GALNT18: variants seen among roughly 807,000 people sequenced by gnomAD.
GALNT18 encodes GalNAc-transferase 18.
In GALNT18, 44 loss-of-function variants were observed where a neutral mutation model predicts 69.5. That is an observed-to-expected ratio of 0.63 (90% confidence interval 0.50 to 0.81). The LOEUF is 0.81. Among genes scored for constraint, GALNT18 ranks in the 40% least tolerant of loss-of-function variants. The probability of loss-of-function intolerance (pLI) is 0.00; values close to 1 mark genes in which losing one functional copy is unlikely to be tolerated. For missense variants in GALNT18, 715 were observed against 810.0 expected (o/e 0.88, Z 1.42); for synonymous variants, 364 against 318.2 (o/e 1.14, Z -1.53).
chr11:11,471,262 G>C (rs1353973942), intron 1 of GALNT18, among the ~76,000 whole-genome samples: 1 of 152,056 alleles, frequency 6.6e-6, no homozygotes, highest in Non-Finnish European at 1.5e-5. Context: ...ACATGGCGTC[G>C]GGCTCAGCAC....
At chr11:11,441,654 T>G (rs939412871) in intron 2 of GALNT18, among the ~76,000 whole-genome samples, 3 of 152,196 alleles carry the variant, frequency 2.0e-5, no homozygotes, top group African/African-American at 7.2e-5. Context: ...AAAGTGTATG[T>G]TAAGCATTTG....
chr11:11,360,048 T>C (rs943662093), intron 6 of GALNT18, among the ~76,000 whole-genome samples: 4 of 152,182 alleles, frequency 2.6e-5, no homozygotes, highest in African/African-American at 9.7e-5. Flanking sequence ...GAAGACCACC[T>C]AGATAAACAT....
chr11:11,499,036 G>C (rs921000955), intron 1 of GALNT18, among the ~76,000 whole-genome samples: 1 of 152,156 alleles, frequency 6.6e-6, no homozygotes, highest in African/African-American at 2.4e-5. Flanking sequence ...GATACAAACT[G>C]CTGACAGTTA....
rs1484489234 is a variant in GALNT18, at chr11:11,618,452, A to G, written c.235+2907T>C. ...TCTGCCTCTTGGCATGAAACAAAGC[A>G]AAACCTGAGTTTATCTATGGAGTTT... is the stretch of plus-strand genomic sequence containing the variant. On this transcript the variant is annotated intron_variant, in intron 1 of 10. Transcript: ENST00000227756. This position sits in a 1 kb window ranked among gnomAD's most constrained non-coding sequence, Gnocchi z 6.1. 6.6e-6 allele frequency among the ~76,000 whole-genome samples: 1 copy of G among 152,226 alleles called. No homozygotes were observed. Among genetic ancestry groups the G allele is most frequent in the Non-Finnish European group, 1.5e-5 (1 of 68,040 alleles).
rs922072946 is a variant in GALNT18 at position 11,523,879 on chromosome 11, G to T, written c.236-74943C>A. Among the ~76,000 whole-genome samples the T allele has an allele frequency of 1.3e-5, 2 of 152,046 alleles. No homozygotes were observed. The highest frequency in any genetic ancestry group is 4.8e-5 in the African/African-American group (2 of 41,398). The stretch of plus-strand genomic sequence containing the variant: ...ATTGCCAAGAGAGGTAGCGAACCAG[G>T]CTCTCAGGTCACCAAGAACATCACC... On this transcript the variant is annotated intron_variant, in intron 1 of 10. Coordinates refer to ENST00000227756, the MANE Select transcript of GALNT18 (RefSeq NM_198516.3). This position sits in a 1 kb window ranked among gnomAD's most constrained non-coding sequence, Gnocchi z 4.3.
chr11:11,620,655 A>G lies in GALNT18; in HGVS notation c.235+704T>C, dbSNP rs528817091. 6.6e-6 allele frequency among the ~76,000 whole-genome samples: 1 copy of G among 152,204 alleles called. No homozygotes were observed. Among genetic ancestry groups the G allele is most frequent in the African/African-American group, 2.4e-5 (1 of 41,536 alleles). On this transcript the variant is annotated intron_variant, in intron 1 of 10. Coordinates refer to ENST00000227756, the MANE Select transcript of GALNT18 (RefSeq NM_198516.3). The surrounding 1 kb of genome is among the most constrained non-coding windows in gnomAD (Gnocchi z 6.9). ...TCTTCCAGTCTTGGGCGGAGTCATC[A>G]CCACAGTGGACAGAGACTCCAGCGC...
At chr11:11,357,645 C>T (rs1383953150) in intron 6 of GALNT18, among the ~76,000 whole-genome samples, 4 of 152,162 alleles carry the variant, frequency 2.6e-5, no homozygotes, top group Non-Finnish European at 5.9e-5. Flanking sequence ...CCAGGCTCCT[C>T]CACTTTTTCT....
At chr11:11,554,004 T>G (rs890087804) in intron 1 of GALNT18, among the ~76,000 whole-genome samples, 2 of 152,196 alleles carry the variant, frequency 1.3e-5, no homozygotes, top group Non-Finnish European at 2.9e-5. Context: ...TCTGCACTGC[T>G]GGCCCACCGC....
At chr11:11,408,432 T>G (rs552839684) in intron 3 of GALNT18, among the ~76,000 whole-genome samples, 1 of 145,734 alleles carries the variant, frequency 6.9e-6, no homozygotes, top group Non-Finnish European at 1.5e-5. Flanking sequence ...TTCCTCTCAA[T>G]GAACAGATCA....
intron 3 of GALNT18, among the ~76,000 whole-genome samples, chr11:11,399,133 T>G (rs1308799540): frequency 6.6e-6 from 1 of 152,212 alleles, no homozygotes; most frequent in African/African-American, 2.4e-5. Flanking sequence ...ATGGGATTAG[T>G]GCCCTTATAA....
Position 11,465,496 on chromosome 11 carries a change from A to G in GALNT18, c.236-16560T>C, listed in dbSNP as rs1298100946. On this transcript the variant is annotated intron_variant, in intron 1 of 10. Coordinates refer to ENST00000227756, the MANE Select transcript of GALNT18 (RefSeq NM_198516.3). The surrounding 1 kb of genome is among the most constrained non-coding windows in gnomAD (Gnocchi z 5.7). The stretch of plus-strand genomic sequence containing the variant: ...GGGGCTCGTGATCCGTATCCATGGC[A>G]GCTCAGTAGCCACAGAAGCCAAAGC... Among the ~76,000 whole-genome samples the G allele has an allele frequency of 6.6e-6, 1 of 152,116 alleles. No individual in the cohort carries two copies. The highest frequency in any genetic ancestry group is 1.5e-5 in the Non-Finnish European group (1 of 68,012).
Position 11,289,369 on chromosome 11 carries a change from G to A in GALNT18, c.1677+3660C>T, listed in dbSNP as rs183031471. Among the ~76,000 whole-genome samples, 47 of 152,296 alleles carry A rather than the reference G, an allele frequency of 3.1e-4. No homozygotes were observed. In the East Asian group the frequency reaches 8.9e-3, roughly 29 times the overall value. ...ATATATGGTTGCCAAAGCACTCCGGGGAGTTTTAAGTAGACATATGCCAAA... is the reference window on the plus strand; with the variant it reads ...ATATATGGTTGCCAAAGCACTCCGGAGAGTTTTAAGTAGACATATGCCAAA... On this transcript the variant is annotated intron_variant, in intron 10 of 10. Transcript: ENST00000227756.
intron 2 of GALNT18, among the ~76,000 whole-genome samples, chr11:11,441,242 C>A (rs934876460): frequency 6.6e-6 from 1 of 152,200 alleles, no homozygotes; most frequent in Admixed American, 6.5e-5. Context: ...TAACCAGAAC[C>A]AGAGGTATTT....
rs374190083 is a variant in GALNT18 at position 11,541,249 on chromosome 11, T to A, written c.235+80110A>T. Among the ~76,000 whole-genome samples, 9 of 152,160 alleles carry A rather than the reference T, an allele frequency of 5.9e-5. No homozygotes were observed. In the South Asian group the frequency reaches 1.9e-3, roughly 32 times the overall value. On this transcript the variant is annotated intron_variant, in intron 1 of 10. Transcript: ENST00000227756. This position sits in a 1 kb window ranked among gnomAD's most constrained non-coding sequence, Gnocchi z 4.8. Reference sequence around the variant, plus strand: ...GCCATGCAAATAATCGCCTGTGTTTTTGTGAACACTTTAGACCCAAAATCA... The same window carrying A: ...GCCATGCAAATAATCGCCTGTGTTTATGTGAACACTTTAGACCCAAAATCA...
rs1318311414 is a variant in GALNT18 at position 11,555,271 on chromosome 11, G to A, written c.235+66088C>T. ...CCAGCCCCTCTCTGACAGCCAACAGGCTGCAGGGTTCTCTGTTTTCAGGAG... is the reference window on the plus strand; with the variant it reads ...CCAGCCCCTCTCTGACAGCCAACAGACTGCAGGGTTCTCTGTTTTCAGGAG... On this transcript the variant is annotated intron_variant, in intron 1 of 10. Transcript: ENST00000227756. This position sits in a 1 kb window ranked among gnomAD's most constrained non-coding sequence, Gnocchi z 4.7. Among the ~76,000 whole-genome samples, 1 of 152,188 alleles carries A rather than the reference G, an allele frequency of 6.6e-6. No individual in the cohort carries two copies. Among genetic ancestry groups the A allele is most frequent in the Admixed American group, 6.5e-5 (1 of 15,282 alleles).
At chr11:11,417,457 A>G (rs1170093396) in intron 3 of GALNT18, among the ~76,000 whole-genome samples, 1 of 152,170 alleles carries the variant, frequency 6.6e-6, no homozygotes, top group Admixed American at 6.5e-5. Context: ...TCAAAGTGGG[A>G]GTCAATATGG....
At position 11,497,502 on chromosome 11, in the gene GALNT18, T is replaced by C. The variant is rs1013688969; in HGVS notation, c.236-48566A>G. 6.6e-6 allele frequency among the ~76,000 whole-genome samples: 1 copy of C among 152,056 alleles called. No homozygotes were observed. Among genetic ancestry groups the C allele is most frequent in the African/African-American group, 2.4e-5 (1 of 41,402 alleles). On this transcript the variant is annotated intron_variant, in intron 1 of 10. Transcript: ENST00000227756. This position sits in a 1 kb window ranked among gnomAD's most constrained non-coding sequence, Gnocchi z 4.2. ...ACCTGGAACAGTGTTAGGCACAAAA[T>C]AGCTGATTAATAAATTTGTGCTGAA...
At chr11:11,557,199 A>T (rs562687173) in intron 1 of GALNT18, among the ~76,000 whole-genome samples, 1 of 152,312 alleles carries the variant, frequency 6.6e-6, no homozygotes, top group Admixed American at 6.5e-5. Context: ...ATTCCTGTTT[A>T]ACAGGAAGAT....
At chr11:11,418,784 A>C (rs1432876068) in intron 3 of GALNT18, among the ~76,000 whole-genome samples, 5 of 152,234 alleles carry the variant, frequency 3.3e-5, no homozygotes, top group Admixed American at 6.5e-5. Flanking sequence ...CTAGCAAAGC[A>C]CTGGACCAGG....
Sources: allele counts gnomAD v4.1 joint callset (sites outside exome capture counted in the v4.1 genomes callset), GRCh38; gene constraint gnomAD v4.1.1; non-coding constraint Gnocchi (gnomAD v3.1); transcripts MANE v1.5; gene names NCBI Gene and HGNC (gene_info 2026-07-23, HGNC 2026-07-21).